CSMD1: variants seen among roughly 807,000 people sequenced by gnomAD.
The protein encoded by CSMD1 is CUB and Sushi multiple domains 1.
CSMD1 carries 213 observed loss-of-function variants against 417.5 expected under a neutral mutation model. That is an observed-to-expected ratio of 0.51 (90% confidence interval 0.46 to 0.57). The LOEUF (loss-of-function observed/expected upper bound fraction) is 0.57, where lower values mean the gene tolerates loss of function less well. Ranked by LOEUF, CSMD1 falls within the 20% of genes least tolerant of loss-of-function variation. The pLI is 0.00. For synonymous variants in CSMD1, 2,862 were observed against 1,736.8 expected (o/e 1.65, Z -16.11); for missense variants, 6,923 against 4,529.7 (o/e 1.53, Z -15.17).
At position 3,720,620 on chromosome 8, in the gene CSMD1, T is replaced by TTCTCACAC. The variant is rs72331833; in HGVS notation, c.932-12130_932-12129insGTGTGAGA. ...CATTGGTGGTCAAAGTCTTTATTCT[T>TTCTCACAC]ACACACACACACACACACACACACA... On this transcript the variant is annotated intron_variant, in intron 6 of 69. Coordinates refer to ENST00000635120, the MANE Select transcript of CSMD1 (RefSeq NM_033225.6). 6.7e-3 allele frequency among the ~76,000 whole-genome samples: 955 copies of TTCTCACAC among 143,400 alleles called. 8 individuals are homozygous for TTCTCACAC. The highest frequency in any genetic ancestry group is 0.019 in the Admixed American group (265 of 14,314). 94.1% of individuals were successfully genotyped at this position (143,400 alleles called of 152,430 possible). A position where few individuals can be genotyped will look rare whatever the true frequency, so the allele number is the denominator to read the frequency against.
intron 6 of CSMD1, among the ~76,000 whole-genome samples, chr8:3,722,451 T>G (rs1183780024): frequency 2.0e-5 from 3 of 152,182 alleles, no homozygotes; most frequent in Non-Finnish European, 4.4e-5. Flanking sequence ...TATTAAAAAG[T>G]GCTTGCCCCA....
chr8:4,227,614 C>A (rs1433153597), intron 3 of CSMD1, among the ~76,000 whole-genome samples: 1 of 152,010 alleles, frequency 6.6e-6, no homozygotes, highest in Admixed American at 6.6e-5. Context: ...CCTGCACATT[C>A]AGTCAGACAC....
chr8:3,619,870 G>A (rs111316720), intron 7 of CSMD1, among the ~76,000 whole-genome samples: 25 of 152,156 alleles, frequency 1.6e-4, no homozygotes, highest in African/African-American at 6.0e-4. Flanking sequence ...GGGAGGCTGA[G>A]GTGGGTGGAT....
chr8:4,353,104 A>G (rs764391798), intron 3 of CSMD1, among the ~76,000 whole-genome samples: 3 of 152,202 alleles, frequency 2.0e-5, no homozygotes, highest in East Asian at 1.9e-4. Flanking sequence ...CTGAAGTAAT[A>G]TAACATTCGG....
At chr8:3,141,897 A>C (rs1282454951) in intron 41 of CSMD1, among the ~76,000 whole-genome samples, 4 of 150,078 alleles carry the variant, frequency 2.7e-5, no homozygotes, top group South Asian at 2.1e-4. Context: ...TCCCGGGTTC[A>C]CGCCACTCTC....
chr8:3,270,163 C>T (rs1383327070), intron 26 of CSMD1, among the ~76,000 whole-genome samples: 1 of 151,466 alleles, frequency 6.6e-6, no homozygotes, highest in Non-Finnish European at 1.5e-5. Flanking sequence ...GATTCTCCTA[C>T]CTCAGACTCC....
chr8:4,711,818 C>T (rs922500322), intron 1 of CSMD1, among the ~76,000 whole-genome samples: 4 of 151,976 alleles, frequency 2.6e-5, no homozygotes, highest in Middle Eastern at 3.2e-3. Flanking sequence ...AAAAAGGTCC[C>T]GAACCAAGTA....
Position 4,011,594 on chromosome 8 carries a change from T to A in CSMD1, c.611-13484A>T, listed in dbSNP as rs181612643. Among the ~76,000 whole-genome samples, 492 of 152,290 alleles carry A rather than the reference T, an allele frequency of 3.2e-3. 1 individual carries two copies. The highest frequency in any genetic ancestry group is 4.8e-3 in the Admixed American group (73 of 15,302). On this transcript the variant is annotated intron_variant, in intron 4 of 69. Transcript: ENST00000635120. ...AGTCAGTTCCTAGGATTCATCTCAC[T>A]CAAGATCTCAGTGACATTTAACATT...
At chr8:3,472,320 A>G (rs953882494) in intron 11 of CSMD1, among the ~76,000 whole-genome samples, 1 of 152,028 alleles carries the variant, frequency 6.6e-6, no homozygotes, top group South Asian at 2.1e-4. Context: ...ACATCTTTTA[A>G]CTATTGTAAG....
chr8:4,330,029 G>A (rs532467434), intron 3 of CSMD1, among the ~76,000 whole-genome samples: 2 of 152,212 alleles, frequency 1.3e-5, no homozygotes, highest in South Asian at 4.1e-4. Flanking sequence ...AGAACTGTGA[G>A]CCAATTAAAC....
intron 5 of CSMD1, among the ~76,000 whole-genome samples, chr8:3,993,241 A>T (rs1409884464): frequency 6.6e-6 from 1 of 152,258 alleles, no homozygotes; most frequent in African/African-American, 2.4e-5. Flanking sequence ...AAATGAATTC[A>T]AAATAATAAC....
At chr8:4,131,855 C>T (rs998465420) in intron 3 of CSMD1, among the ~76,000 whole-genome samples, 27 of 149,480 alleles carry the variant, frequency 1.8e-4, no homozygotes, top group African/African-American at 6.1e-4. Context: ...CTCCATCTCC[C>T]AGGTTCACGC....
chr8:4,684,894 T>C (rs954806288), intron 1 of CSMD1, among the ~76,000 whole-genome samples: 1 of 152,182 alleles, frequency 6.6e-6, no homozygotes, highest in Non-Finnish European at 1.5e-5. Flanking sequence ...AATCACTTAC[T>C]CAACAAAACT....
rs535515207 is a variant in CSMD1 at position 4,407,830 on chromosome 8, A to G, written c.415+12123T>C. ...TATGAGAAGGTTTTGAACAAGTGTG[A>G]AAGTCTTAAAAAATGAAAAATCAGA... is the stretch of plus-strand genomic sequence containing the variant. On this transcript the variant is annotated intron_variant, in intron 3 of 69. Coordinates refer to ENST00000635120, the MANE Select transcript of CSMD1 (RefSeq NM_033225.6). 1.5e-3 allele frequency among the ~76,000 whole-genome samples: 225 copies of G among 152,324 alleles called. 1 individual carries two copies. The highest frequency in any genetic ancestry group is 4.8e-3 in the South Asian group (23 of 4,824).
chr8:4,349,711 C>G (rs761968333), intron 3 of CSMD1, among the ~76,000 whole-genome samples: 1 of 152,014 alleles, frequency 6.6e-6, no homozygotes, highest in Non-Finnish European at 1.5e-5. Flanking sequence ...TAAATACAAT[C>G]ATCAGTTACA....
intron 3 of CSMD1, among the ~76,000 whole-genome samples, chr8:4,049,974 G>A (rs904945006): frequency 9.2e-5 from 14 of 152,250 alleles, no homozygotes; most frequent in African/African-American, 3.1e-4. Context: ...CCTGGCTGGG[G>A]CAGCTTCTCG....
chr8:3,639,248 A>G (rs1797191003), intron 7 of CSMD1, among the ~76,000 whole-genome samples: 1 of 152,198 alleles, frequency 6.6e-6, no homozygotes, highest in Non-Finnish European at 1.5e-5. Context: ...TGACAATGAA[A>G]TTTCTATGAA....
At chr8:4,452,991 G>A (rs1799240391) in intron 2 of CSMD1, among the ~76,000 whole-genome samples, 1 of 152,124 alleles carries the variant, frequency 6.6e-6, no homozygotes, top group Non-Finnish European at 1.5e-5. Flanking sequence ...TGCAGAGACT[G>A]TTTCCCACAG....
intron 18 of CSMD1, among the ~76,000 whole-genome samples, chr8:3,384,705 TATAA>T (rs1419955020): frequency 1.4e-4 from 14 of 98,502 alleles, no homozygotes; most frequent in South Asian, 2.6e-4. Flanking sequence ...ATAAATTATA[TATAA>T]ATATATTTAT....
Sources: allele counts gnomAD v4.1 joint callset (sites outside exome capture counted in the v4.1 genomes callset), GRCh38; gene constraint gnomAD v4.1.1; transcripts MANE v1.5; gene names NCBI Gene and HGNC (gene_info 2026-07-23, HGNC 2026-07-21).